The following ZNF33B variants were observed in gnomAD, a reference collection of about 807,000 sequenced individuals.
The protein encoded by ZNF33B is zinc finger protein 11b (KOX 2).
Under a neutral mutation model 45.8 loss-of-function variants are expected in ZNF33B, and 29 were observed. That is an observed-to-expected ratio of 0.63 (90% CI 0.47 to 0.86). The LOEUF is 0.86. Among genes scored for constraint, ZNF33B ranks in the 40% least tolerant of loss-of-function variants. The probability of loss-of-function intolerance (pLI) is 0.00; values close to 1 mark genes in which losing one functional copy is unlikely to be tolerated. For synonymous variants in ZNF33B, 305 were observed against 307.8 expected, an observed-to-expected ratio of 0.99 and a Z score of 0.10; for missense variants, 831 against 909.9, an observed-to-expected ratio of 0.91 and a Z score of 1.12.
chr10:42,592,901 A>G lies in ZNF33B; in HGVS notation c.2049T>C (p.His683=). The change falls in exon 5 of 5, where the codon CAT becomes CAC. Residue 683 remains histidine (H), a synonymous_variant. Transcript: ENST00000359467. ...GTTTCTCCCCCGTGTGCTTTCTCTC[A>G]TGTAAAATAAGTCCTGACTTCACAC... is the stretch of plus-strand genomic sequence containing the variant. ...SFCVKSGLIL[H]ERKHTGEKPY... The G allele has an allele frequency of 1.2e-6, 2 of 1,614,038 alleles. No individual in the cohort carries two copies. Among genetic ancestry groups the G allele is most frequent in the Non-Finnish European group, 1.7e-6 (2 of 1,179,976 alleles).
intron 1 of ZNF33B, chr10:42,574,713 T>A (rs1159897035): frequency 6.6e-6 from 1 of 152,146 alleles, no homozygotes; most frequent in Admixed American, 6.6e-5. Context: ...GTGAGGATTA[T>A]ATTATGCTGT....
downstream of ZNF33B, among the ~76,000 whole-genome samples, chr10:42,586,428 C>T (rs1421476796): frequency 6.6e-6 from 1 of 151,784 alleles, no homozygotes; most frequent in Non-Finnish European, 1.5e-5. Flanking sequence ...GGATTACAGG[C>T]ATGAGCCACA....
At chr10:42,575,366 G>A (rs1836732935) in intron 1 of ZNF33B, among the ~76,000 whole-genome samples, 1 of 152,120 alleles carries the variant, frequency 6.6e-6, no homozygotes, top group Non-Finnish European at 1.5e-5. Flanking sequence ...AAACCACCAG[G>A]AGCCTGGAAG....
At chr10:42,601,020 A>C (rs1248558018) in intron 4 of ZNF33B, among the ~76,000 whole-genome samples, 1 of 152,182 alleles carries the variant, frequency 6.6e-6, no homozygotes, top group Non-Finnish European at 1.5e-5. Flanking sequence ...GTTTAACTGG[A>C]ATGTCCTTAT....
At chr10:42,638,303 T>G (rs952905988) in intron 1 of ZNF33B, among the ~76,000 whole-genome samples, 171 bp downstream of exon 1, 3 of 152,388 alleles carry the variant, frequency 2.0e-5, no homozygotes, top group African/African-American at 7.2e-5. Context: ...AGGCTGCGCC[T>G]TAGAGGAACT....
chr10:42,577,023 C>T (rs1836757695), intron 1 of ZNF33B, among the ~76,000 whole-genome samples: 1 of 150,182 alleles, frequency 6.7e-6, no homozygotes, highest in South Asian at 2.1e-4. Context: ...GTCCTAGCTA[C>T]TCAGGAGGCT....
intron 4 of ZNF33B, among the ~76,000 whole-genome samples, chr10:42,628,479 A>T: frequency 7.4e-6 from 1 of 135,818 alleles, no homozygotes; most frequent in East Asian, 2.2e-4. Context: ...TCTCTTTTCA[A>T]CTCAATCAGT....
intron 2 of ZNF33B, among the ~76,000 whole-genome samples, chr10:42,634,560 T>C (rs2132171842): frequency 6.6e-6 from 1 of 152,170 alleles, no homozygotes; most frequent in East Asian, 1.9e-4. Flanking sequence ...TTAAACCCAC[T>C]ACTAGACACT....
In ZNF33B at chr10:42,594,446, G is replaced by C. The variant is rs370800363; in HGVS notation, c.504C>G (p.Asp168Glu). 9 of 1,613,392 alleles carry C rather than the reference G, an allele frequency of 5.6e-6. No individual in the cohort carries two copies. The highest frequency in any genetic ancestry group is 7.6e-6 in the Non-Finnish European group (9 of 1,179,802). Reference sequence around the variant, plus strand: ...ACAATTTCCCACATGCATTAAATTCGTCAGACTTTTTTCCTAAATAGTTTA... The same window carrying C: ...ACAATTTCCCACATGCATTAAATTCCTCAGACTTTTTTCCTAAATAGTTTA... Reference protein sequence around the residue: ...SKINYLGKKSDEFNACGKLLL... With the variant: ...SKINYLGKKSEEFNACGKLLL... The change falls in exon 5 of 5, where the codon GAC becomes GAG. Residue 168 changes from aspartate (D) to glutamate (E), a missense_variant. Physicochemically the swap from Asp to Glu is conservative, Grantham distance 45 (BLOSUM62 2). Coordinates refer to ENST00000359467, the MANE Select transcript of ZNF33B (RefSeq NM_006955.3).
At chr10:42,587,898 T>C (rs186569415), downstream of ZNF33B, among the ~76,000 whole-genome samples, 281 of 152,286 alleles carry the variant, frequency 1.8e-3, 2 homozygotes, top group African/African-American at 6.3e-3. Context: ...TGGCAGCAAG[T>C]GAAGGCGCAG....
At chr10:42,622,586 A>C (rs1042879992) in intron 4 of ZNF33B, among the ~76,000 whole-genome samples, 20 of 152,212 alleles carry the variant, frequency 1.3e-4, no homozygotes, top group African/African-American at 4.8e-4. Flanking sequence ...GAGAAAGAAA[A>C]GCCTTTTCTT....
chr10:42,595,775 T>C (rs933727597), intron 4 of ZNF33B, among the ~76,000 whole-genome samples: 9 of 152,166 alleles, frequency 5.9e-5, no homozygotes, highest in Non-Finnish European at 1.0e-4. Flanking sequence ...GAAAATGCCA[T>C]CTGCAAACCA....
At chr10:42,622,962 A>G (rs911069015) in intron 4 of ZNF33B, among the ~76,000 whole-genome samples, 1 of 152,192 alleles carries the variant, frequency 6.6e-6, no homozygotes, top group African/African-American at 2.4e-5. Flanking sequence ...AAAATGGATA[A>G]GCAACAAAAG....
intron 4 of ZNF33B, among the ~76,000 whole-genome samples, chr10:42,611,824 T>C (rs1488587342): frequency 1.3e-5 from 2 of 152,248 alleles, no homozygotes; most frequent in African/African-American, 4.8e-5. Flanking sequence ...TCCTCCAACT[T>C]GGCTATAAAG....
intron 1 of ZNF33B, 142 bp downstream of exon 1, chr10:42,638,332 A>C: frequency 3.2e-6 from 1 of 310,564 alleles, no homozygotes; most frequent in South Asian, 2.8e-5. Context: ...GTCCTGGTAG[A>C]CATGCTGCAG....
rs1218730736 is a variant in ZNF33B, at chr10:42,632,397, T to TC, written c.51dup (p.Thr18AspfsTer15). The TC allele has an allele frequency of 6.2e-7, 1 of 1,613,796 alleles. No homozygotes were observed. The highest frequency in any genetic ancestry group is 8.5e-7 in the Non-Finnish European group (1 of 1,179,960). On this transcript the variant is annotated frameshift_variant, in exon 3 of 5. Coordinates refer to ENST00000359467, the MANE Select transcript of ZNF33B (RefSeq NM_006955.3). LOFTEE classifies it high-confidence loss of function. ...CACTCCTCCTGGGTGAAGCCCACAG[T>TC]CACATCTTTAAATGATACTGACCCC...
chr10:42,609,181 C>A (rs1306573954), intron 4 of ZNF33B, among the ~76,000 whole-genome samples: 1 of 152,100 alleles, frequency 6.6e-6, no homozygotes, highest in Non-Finnish European at 1.5e-5. Context: ...TTTGGGAGGC[C>A]AAGGCAGGCA....
At chr10:42,622,777 T>G (rs1221268028) in intron 4 of ZNF33B, among the ~76,000 whole-genome samples, 3 of 152,292 alleles carry the variant, frequency 2.0e-5, no homozygotes, top group African/African-American at 7.2e-5. Context: ...TGATGCTGGG[T>G]TAACTGGATT....
chr10:42,634,119 C>G (rs1165610840), intron 2 of ZNF33B, among the ~76,000 whole-genome samples: 1 of 152,006 alleles, frequency 6.6e-6, no homozygotes, highest in Non-Finnish European at 1.5e-5. Flanking sequence ...AGAATGGAAT[C>G]AGAGGCTAAG....
Sources: allele counts gnomAD v4.1 joint callset (sites outside exome capture counted in the v4.1 genomes callset), GRCh38; gene constraint gnomAD v4.1.1; transcripts MANE v1.5; gene names NCBI Gene and HGNC (gene_info 2026-07-23, HGNC 2026-07-21).